ALK: variants seen among roughly 807,000 people sequenced by gnomAD.
ALK encodes the protein ALK receptor tyrosine kinase.
ALK carries 74 observed loss-of-function variants against 163.1 expected under a neutral mutation model. The ratio of observed to expected loss-of-function variants is 0.45; its 90% confidence interval spans 0.38 to 0.55. The LOEUF is 0.55. Among genes scored for constraint, ALK ranks in the 20% least tolerant of loss-of-function variants. ALK has a pLI of 0.00. For missense variants in ALK, 2,063 were observed against 2,105.3 expected, an observed-to-expected ratio of 0.98 and a Z score of 0.39; for synonymous variants, 960 against 843.2, an observed-to-expected ratio of 1.14 and a Z score of -2.40.
chr2:29,215,740 G>A (rs1251908556), intron 23 of ALK, among the ~76,000 whole-genome samples: 1 of 152,166 alleles, frequency 6.6e-6, no homozygotes, highest in African/African-American at 2.4e-5. Context: ...CACACCAAAT[G>A]CAGAATACAG....
At chr2:29,398,051 C>T (rs569132192) in intron 4 of ALK, among the ~76,000 whole-genome samples, 9 of 152,244 alleles carry the variant, frequency 5.9e-5, no homozygotes, top group South Asian at 2.1e-4. Flanking sequence ...TCATGACTTT[C>T]GAGGGTCAGC....
intron 1 of ALK, among the ~76,000 whole-genome samples, chr2:29,732,543 T>C (rs767287826): frequency 6.6e-6 from 1 of 152,208 alleles, no homozygotes; most frequent in Non-Finnish European, 1.5e-5. Context: ...TTGAGGAAGA[T>C]GTGTTTATGG....
chr2:29,714,816 A>G (rs527831260), intron 2 of ALK, among the ~76,000 whole-genome samples: 94 of 152,274 alleles, frequency 6.2e-4, no homozygotes, highest in African/African-American at 2.0e-3. Context: ...AAAGGTATGG[A>G]TTTATCACCC....
At chr2:29,821,486 G>A (rs1202022715) in intron 1 of ALK, among the ~76,000 whole-genome samples, 1 of 152,110 alleles carries the variant, frequency 6.6e-6, no homozygotes, top group East Asian at 1.9e-4. Context: ...GGGCCAAGAG[G>A]TTCTCATATC....
chr2:29,296,124 G>A (rs1666169993), intron 9 of ALK, among the ~76,000 whole-genome samples: 1 of 152,338 alleles, frequency 6.6e-6, no homozygotes, highest in South Asian at 2.1e-4. Flanking sequence ...GCCACGTGGA[G>A]TTAATGATTT....
intron 3 of ALK, among the ~76,000 whole-genome samples, chr2:29,661,005 G>C (rs1426705629): frequency 4.6e-5 from 7 of 151,938 alleles, no homozygotes; most frequent in African/African-American, 1.7e-4. Context: ...CATCTTCCTG[G>C]GCAGTTAAAA....
intron 1 of ALK, among the ~76,000 whole-genome samples, chr2:29,916,251 T>A (rs1206840880): frequency 5.3e-5 from 8 of 152,222 alleles, no homozygotes; most frequent in African/African-American, 1.9e-4. Flanking sequence ...ACCCGAAGTT[T>A]GCTTCTACAA....
chr2:29,467,280 A>C (rs995582955), intron 4 of ALK, among the ~76,000 whole-genome samples: 3 of 151,998 alleles, frequency 2.0e-5, no homozygotes, highest in Non-Finnish European at 4.4e-5. Flanking sequence ...TTGAGGATAA[A>C]GAGTCCTGAA....
At chr2:29,377,109 T>G (rs1339164676) in intron 5 of ALK, among the ~76,000 whole-genome samples, 1 of 152,214 alleles carries the variant, frequency 6.6e-6, no homozygotes, top group East Asian at 1.9e-4. Context: ...AAGATACAGT[T>G]AATATACCTA....
chr2:29,589,118 T>C (rs539886420), intron 3 of ALK, among the ~76,000 whole-genome samples: 103 of 152,280 alleles, frequency 6.8e-4, no homozygotes, highest in Admixed American at 2.5e-3. Context: ...GAGCAAGCGA[T>C]GATAGGTGAG....
chr2:29,772,250 A>G (rs1356516538), intron 1 of ALK, among the ~76,000 whole-genome samples: 1 of 152,248 alleles, frequency 6.6e-6, no homozygotes, highest in Non-Finnish European at 1.5e-5. Context: ...CTAATATAAA[A>G]GGACATAATA....
At chr2:29,498,112 G>A (rs1672077922) in intron 4 of ALK, among the ~76,000 whole-genome samples, 1 of 152,244 alleles carries the variant, frequency 6.6e-6, no homozygotes, top group African/African-American at 2.4e-5. Context: ...GGATGATAAA[G>A]AATTATGAGT....
At chr2:29,638,182 G>A (rs555183977) in intron 3 of ALK, among the ~76,000 whole-genome samples, 2 of 152,234 alleles carry the variant, frequency 1.3e-5, no homozygotes, top group Non-Finnish European at 2.9e-5. Flanking sequence ...GCAGGAAGCT[G>A]GGACACCAGC....
intron 3 of ALK, among the ~76,000 whole-genome samples, chr2:29,619,804 C>A (rs1252706278): frequency 2.0e-5 from 3 of 152,210 alleles, no homozygotes; most frequent in Non-Finnish European, 2.9e-5. Flanking sequence ...TGGTCTGCTG[C>A]CCGCACTCAG....
rs773277928 is a variant in ALK at position 29,217,091 on chromosome 2, ATGTC to A, written c.3646-3014_3646-3011del. Among the ~76,000 whole-genome samples, 45 of 113,220 alleles carry A rather than the reference ATGTC, an allele frequency of 4.0e-4. 2 individuals carry two copies. The highest frequency in any genetic ancestry group is 1.7e-3 in the Admixed American group (17 of 10,030). The allele number at this position is 113,220 out of a possible 152,430, so 74.3% of individuals were successfully genotyped here. On this transcript the variant is annotated intron_variant, in intron 23 of 28. Coordinates refer to ENST00000389048, the MANE Select transcript of ALK (RefSeq NM_004304.5). The stretch of plus-strand genomic sequence containing the variant: ...TATGTGTAGTGTATGTAAGTGGTAT[ATGTC>A]TATGTGGTGTGTCTGTGGGGGGGGG...
rs138197233 is a variant in ALK at position 29,417,475 on chromosome 2, A to C, written c.1155-33616T>G. Among the ~76,000 whole-genome samples, 77 of 152,300 alleles carry C rather than the reference A, an allele frequency of 5.1e-4. No individual in the cohort carries two copies. In the East Asian group the frequency reaches 0.014, roughly 28 times the overall value. ...GAACACAGATTCATAGACCCATAGAATTTCATCCATCAGAGAAAGCCCTAG... is the reference window on the plus strand; with the variant it reads ...GAACACAGATTCATAGACCCATAGACTTTCATCCATCAGAGAAAGCCCTAG... On this transcript the variant is annotated intron_variant, in intron 4 of 28. Coordinates refer to ENST00000389048, the MANE Select transcript of ALK (RefSeq NM_004304.5).
At position 29,225,511 on chromosome 2, in the gene ALK, G is replaced by A. The variant is rs1365149175; in HGVS notation, c.3122C>T (p.Thr1041Ile). The A allele has an allele frequency of 2.5e-6, 4 of 1,613,572 alleles. No homozygotes were observed. Among genetic ancestry groups the A allele is most frequent in the Non-Finnish European group, 3.4e-6 (4 of 1,179,978 alleles). Residue 1041 changes from threonine (T) to isoleucine (I), a missense_variant, in exon 19 of 29, where the codon ACC (threonine) becomes ATC (isoleucine). By Grantham distance (89) the Thr-to-Ile change is moderately conservative (BLOSUM62 -1). Coordinates refer to ENST00000389048, the MANE Select transcript of ALK (RefSeq NM_004304.5). ...GACCAGGGCGGCCACGAGGGCAGAG[G>A]TCACCACAGAGAGGATCAGCGAGAG... is the stretch of plus-strand genomic sequence containing the variant. Reference protein sequence around the residue: ...LPLSLILSVVTSALVAALVLA... With the variant: ...LPLSLILSVVISALVAALVLA...
intron 3 of ALK, among the ~76,000 whole-genome samples, chr2:29,659,523 G>A (rs1047904801): frequency 2.0e-5 from 3 of 152,134 alleles, no homozygotes; most frequent in Admixed American, 6.6e-5. Flanking sequence ...CTTAAGAAGC[G>A]TAGGGCATTC....
intron 3 of ALK, among the ~76,000 whole-genome samples, chr2:29,677,234 T>TCC: frequency 1.5e-5 from 1 of 64,754 alleles, no homozygotes; most frequent in African/African-American, 6.1e-5. Flanking sequence ...TCTTCCTTCC[T>TCC]TCTCCCCTCC....
Sources: allele counts gnomAD v4.1 joint callset (sites outside exome capture counted in the v4.1 genomes callset), GRCh38; gene constraint gnomAD v4.1.1; transcripts MANE v1.5; gene names NCBI Gene and HGNC (gene_info 2026-07-23, HGNC 2026-07-21).